CPAMD8: variants seen among roughly 807,000 people sequenced by gnomAD.
CPAMD8 encodes the protein C3 and PZP-like alpha-2-macroglobulin domain-containing protein 8.
Under a neutral mutation model 224.7 loss-of-function variants are expected in CPAMD8, and 146 were observed. The observed-to-expected ratio is 0.65, with a 90% CI of 0.57 to 0.75. The LOEUF is 0.75. Among genes scored for constraint, CPAMD8 ranks in the 30% least tolerant of loss-of-function variants. The probability of loss-of-function intolerance (pLI) is 0.00; values close to 1 mark genes in which losing one functional copy is unlikely to be tolerated. For missense variants in CPAMD8, 2,301 were observed against 2,537.5 expected (o/e 0.91, Z 2.00); for synonymous variants, 966 against 1,044.6 (o/e 0.92, Z 1.45).
chr19:17,016,840 A>C (rs2056825268), intron 3 of CPAMD8, among the ~76,000 whole-genome samples: 1 of 151,878 alleles, frequency 6.6e-6, no homozygotes, highest in South Asian at 2.1e-4. Context: ...GGGAGGAGGG[A>C]GGAAAAGAAA....
At chr19:16,929,584 C>G (rs921930056) in intron 23 of CPAMD8, among the ~76,000 whole-genome samples, 1 of 152,126 alleles carries the variant, frequency 6.6e-6, no homozygotes, top group Admixed American at 6.5e-5. Context: ...TCTGTTGCCC[C>G]AGCTACTTGG....
At chr19:16,925,433 C>A in intron 25 of CPAMD8, 61 bp from the exon 26 acceptor site, 1 of 1,343,206 alleles carries the variant, frequency 7.4e-7, no homozygotes, top group Non-Finnish European at 1.1e-6. Context: ...AGAACAGGGA[C>A]AGCTTTACCC....
At chr19:16,998,554 G>A (rs1015615091) in intron 10 of CPAMD8, among the ~76,000 whole-genome samples, 19 of 152,298 alleles carry the variant, frequency 1.2e-4, no homozygotes, top group African/African-American at 3.4e-4. Flanking sequence ...GTGGGAAAGG[G>A]ACTGAGAAGG....
chr19:16,947,316 C>A, intron 20 of CPAMD8, 89 bp from the exon 21 acceptor site: 1 of 1,461,298 alleles, frequency 6.8e-7, no homozygotes, highest in South Asian at 1.3e-5. Flanking sequence ...CCACTCACTG[C>A]ACACACCAGA....
chr19:16,999,177 G>A (rs1434110120), intron 10 of CPAMD8, among the ~76,000 whole-genome samples: 2 of 152,100 alleles, frequency 1.3e-5, no homozygotes, highest in African/African-American at 4.8e-5. Flanking sequence ...ACAGGAGGAG[G>A]GAAATGAGGA....
chr19:16,952,255 G>T, intron 19 of CPAMD8, 55 bp from the exon 20 acceptor site: 1 of 1,032,724 alleles, frequency 9.7e-7, no homozygotes, highest in Non-Finnish European at 1.5e-6. Context: ...CCATGCCTCA[G>T]GGGGGCCAGT....
At position 16,956,672 on chromosome 19, in the gene CPAMD8, ATT is replaced by A. The variant is rs371939756; in HGVS notation, c.2276+1179_2276+1180del. On this transcript the variant is annotated intron_variant, in intron 19 of 41. Transcript: ENST00000443236. Reference sequence around the variant, plus strand: ...TACAGAGACCCCATCTCTATGAAATATTTTTTTTTTTTTGAGACGGAGTCTTG... The same window carrying A: ...TACAGAGACCCCATCTCTATGAAATATTTTTTTTTTTGAGACGGAGTCTTG... Among the ~76,000 whole-genome samples the A allele has an allele frequency of 3.4e-5, 5 of 146,450 alleles. No homozygotes were observed. In the East Asian group the frequency reaches 8.0e-4, roughly 23 times the overall value.
Position 16,899,719 on chromosome 19 carries a change from G to T in CPAMD8, c.4774-170C>A, listed in dbSNP as rs1251145274. ...GCCCTGCCAGCCTCTCAGCACCCAG[G>T]AGAGGACGCTCAAGGATGGCTATCC... On this transcript the variant is annotated intron_variant, in intron 36 of 41. Transcript: ENST00000443236. The surrounding 1 kb of genome is among the most constrained non-coding windows in gnomAD (Gnocchi z 5.4). Among the ~76,000 whole-genome samples the T allele has an allele frequency of 6.6e-6, 1 of 152,060 alleles. No homozygotes were observed. The highest frequency in any genetic ancestry group is 2.4e-5 in the African/African-American group (1 of 41,392).
chr19:16,902,636 C>T lies in CPAMD8; in HGVS notation c.4685+13G>A. On this transcript the variant is annotated intron_variant, in intron 35 of 41. Transcript: ENST00000443236. The stretch of plus-strand genomic sequence containing the variant: ...TCCTGGGATGCCCACGCCAGCAGGG[C>T]AGGTGGCCTTACCTGGTGCACACCT... 6.4e-7 allele frequency: 1 copy of T among 1,568,774 alleles called. No individual in the cohort carries two copies. Among genetic ancestry groups the T allele is most frequent in the Non-Finnish European group, 8.7e-7 (1 of 1,146,204 alleles).
chr19:16,899,646 C>A lies in CPAMD8; in HGVS notation c.4774-97G>T. 2 of 720,286 alleles carry A rather than the reference C, an allele frequency of 2.8e-6. No individual in the cohort carries two copies. Among genetic ancestry groups the A allele is most frequent in the Non-Finnish European group, 5.1e-6 (2 of 392,220 alleles). The allele number at this position is 720,286 out of a possible 1,614,324, so 44.6% of individuals were successfully genotyped here. ...GGTCAGTGGGATGCTTGGACTTGCC[C>A]ACAAGTTACCATGGGCTGGGGTCTG... On this transcript the variant is annotated intron_variant, in intron 36 of 41. Coordinates refer to ENST00000443236, the MANE Select transcript of CPAMD8 (RefSeq NM_015692.5). The surrounding 1 kb of genome is among the most constrained non-coding windows in gnomAD (Gnocchi z 5.4).
At chr19:17,019,560 C>T (rs893858521) in intron 3 of CPAMD8, among the ~76,000 whole-genome samples, 2 of 146,066 alleles carry the variant, frequency 1.4e-5, no homozygotes, top group African/African-American at 5.0e-5. Context: ...TTTCATTATT[C>T]TCTCATTTTT....
intron 1 of CPAMD8, among the ~76,000 whole-genome samples, chr19:17,025,118 ACT>A (rs1176908097): frequency 6.6e-6 from 1 of 151,674 alleles, no homozygotes; most frequent in East Asian, 1.9e-4. Context: ...ACTGTTTAAA[ACT>A]CTCTAACGGG....
At chr19:16,957,016 G>T (rs1304856641) in intron 19 of CPAMD8, among the ~76,000 whole-genome samples, 1 of 152,176 alleles carries the variant, frequency 6.6e-6, no homozygotes, top group Admixed American at 6.5e-5. Context: ...AAGCTCACCA[G>T]ACATCCAGAA....
intron 17 of CPAMD8, among the ~76,000 whole-genome samples, chr19:16,973,387 C>T (rs1289314366): frequency 1.3e-5 from 2 of 152,050 alleles, no homozygotes; most frequent in African/African-American, 2.4e-5. Flanking sequence ...GACAGAGTCT[C>T]GCTCTACCAC....
intron 35 of CPAMD8, among the ~76,000 whole-genome samples, chr19:16,901,547 A>G (rs16981471): frequency 0.028 from 4,253 of 152,278 alleles, 212 homozygotes; most frequent in African/African-American, 0.095. Context: ...CTCTTGACTA[A>G]GCATTGTGTT....
rs117955459 is a variant in CPAMD8, at chr19:16,952,058, C to T, written c.2419G>A (p.Val807Met). The T allele has an allele frequency of 2.7e-4, 430 of 1,574,304 alleles. 3 individuals carry two copies. The highest frequency in any genetic ancestry group is 1.7e-3 in the South Asian group (145 of 86,106). ...SLLKTFKPFF[V>M]DFMLPALIIR... The stretch of plus-strand genomic sequence containing the variant: ...ATGAGAGCGGGGAGCATGAAGTCCA[C>T]GAAGAAGGGCTTGAAGGTCTTCAGC... Residue 807 changes from valine (V) to methionine (M), a missense_variant, in exon 20 of 42, where the codon GTG becomes ATG. Coordinates refer to ENST00000443236, the MANE Select transcript of CPAMD8 (RefSeq NM_015692.5).
rs1293778069 is a variant in CPAMD8 at position 16,951,986 on chromosome 19, T to C, written c.2491A>G (p.Met831Val). The C allele has an allele frequency of 3.2e-6, 5 of 1,573,470 alleles. No homozygotes were observed. Among genetic ancestry groups the C allele is most frequent in the Non-Finnish European group, 4.3e-6 (5 of 1,157,648 alleles). The change falls in exon 20 of 42, where the codon ATG (methionine) becomes GTG (valine). Residue 831 changes from methionine (M) to valine (V), a missense_variant. By Grantham distance (21) the Met-to-Val change is conservative. This residue lies in a region of CPAMD8 where 1,709 missense variants were observed against 1,753.2 expected (regional missense o/e 0.97). Coordinates refer to ENST00000443236, the MANE Select transcript of CPAMD8 (RefSeq NM_015692.5). ...VKIPLSVYNY[M>V]GTCAEVYMKL... ...CTGAGTACCTCAGCGCAGGTGCCCA[T>C]GTAGTTGTAGACACTGAGCGGGATC...
chr19:16,904,231 TGGA>T lies in CPAMD8; in HGVS notation c.4243_4245del (p.Ser1415del). The T allele has an allele frequency of 5.1e-6, 7 of 1,361,062 alleles. No homozygotes were observed. Among genetic ancestry groups the T allele is most frequent in the Non-Finnish European group, 6.8e-6 (7 of 1,031,108 alleles). 84.3% of individuals were successfully genotyped at this position (1,361,062 alleles called of 1,614,324 possible). On this transcript the variant is annotated inframe_deletion, in exon 32 of 42. Coordinates refer to ENST00000443236, the MANE Select transcript of CPAMD8 (RefSeq NM_015692.5). ...TCTGGCCCTGCCCGGCTCGCCTGAG[TGGA>T]GGAGAAGCCCCCAAGTGCATTTCGC... is the stretch of plus-strand genomic sequence containing the variant.
At chr19:17,004,610 G>T (rs1467807969) in intron 7 of CPAMD8, among the ~76,000 whole-genome samples, 4 of 152,070 alleles carry the variant, frequency 2.6e-5, no homozygotes, top group Admixed American at 2.6e-4. Context: ...ATGCAGGAAG[G>T]GACTGGACCC....
Sources: gnomAD v4.1 joint callset for allele counts (sites outside exome capture counted in the v4.1 genomes callset) on GRCh38, gnomAD v4.1.1 for gene constraint, gnomAD v4.1.1 regional missense constraint, Gnocchi (gnomAD v3.1) non-coding constraint, MANE v1.5 for transcripts, NCBI Gene and HGNC (gene_info 2026-07-23, HGNC 2026-07-21) for gene names.